The following CTNNA3 variants were observed in gnomAD, a reference collection of about 807,000 sequenced individuals.
CTNNA3 encodes catenin alpha-3.
CTNNA3 carries 76 observed loss-of-function variants against 95.7 expected under a neutral mutation model. That is an observed-to-expected ratio of 0.79 (90% CI 0.66 to 0.96). The LOEUF (loss-of-function observed/expected upper bound fraction) is 0.96, where lower values mean the gene tolerates loss of function less well. Among genes scored for constraint, CTNNA3 ranks in the 40% least tolerant of loss-of-function variants. CTNNA3 has a pLI of 0.00. For missense variants in CTNNA3, 1,191 were observed against 1,089.8 expected (o/e 1.09, Z -1.31); for synonymous variants, 431 against 374.4 (o/e 1.15, Z -1.74).
chr10:66,097,793 G>A (rs1021318721), intron 14 of CTNNA3, among the ~76,000 whole-genome samples: 2 of 152,032 alleles, frequency 1.3e-5, no homozygotes, highest in Admixed American at 6.6e-5. Flanking sequence ...TCTCTACTAC[G>A]ACTGCTGCCC....
intron 9 of CTNNA3, among the ~76,000 whole-genome samples, chr10:66,685,070 G>A (rs1037885531): frequency 6.7e-6 from 1 of 149,444 alleles, no homozygotes; most frequent in Non-Finnish European, 1.5e-5. Flanking sequence ...AAAATGGAAG[G>A]TTTCTAAAAG....
chr10:67,345,681 C>T (rs754035892), intron 5 of CTNNA3, among the ~76,000 whole-genome samples: 49 of 152,154 alleles, frequency 3.2e-4, no homozygotes, highest in Non-Finnish European at 6.0e-4. Flanking sequence ...CATGGAATAT[C>T]TTTTCCCATC....
rs781498207 is a variant in CTNNA3 at position 66,385,461 on chromosome 10, C to T, written c.1532-6109G>A. Among the ~76,000 whole-genome samples, 8 of 152,036 alleles carry T rather than the reference C, an allele frequency of 5.3e-5. No homozygotes were observed. In the South Asian group the frequency reaches 1.2e-3, roughly 24 times the overall value. On this transcript the variant is annotated intron_variant, in intron 11 of 17. Transcript: ENST00000433211. ...GAGGCAAAAATTAATAGGCTACTAA[C>T]CAAAAAAAGTCCAGGACCAGAAGGA...
chr10:67,709,957 A>G (rs894264386), intron 1 of CTNNA3, among the ~76,000 whole-genome samples: 2 of 152,176 alleles, frequency 1.3e-5, no homozygotes, highest in Admixed American at 6.6e-5. Context: ...TCTTTTTAAC[A>G]GGCCCCAGCA....
At chr10:67,723,875 C>G (rs1841193629) in intron 1 of CTNNA3, among the ~76,000 whole-genome samples, 1 of 152,098 alleles carries the variant, frequency 6.6e-6, no homozygotes, top group Non-Finnish European at 1.5e-5. Flanking sequence ...AGAAATGACA[C>G]AGGGAGCCTA....
At chr10:66,070,511 T>G (rs768454126) in intron 14 of CTNNA3, among the ~76,000 whole-genome samples, 4 of 152,190 alleles carry the variant, frequency 2.6e-5, no homozygotes, top group Non-Finnish European at 5.9e-5. Flanking sequence ...CTCTTTACAT[T>G]CTGTATCTCA....
intron 12 of CTNNA3, among the ~76,000 whole-genome samples, chr10:66,301,863 T>C (rs1293466408): frequency 6.6e-6 from 1 of 151,868 alleles, no homozygotes; most frequent in Non-Finnish European, 1.5e-5. Context: ...TAAAAGGAAA[T>C]AAAAACCATT....
intron 9 of CTNNA3, among the ~76,000 whole-genome samples, chr10:66,644,904 CA>C (rs1456097308): frequency 2.3e-4 from 35 of 152,140 alleles, no homozygotes; most frequent in African/African-American, 8.4e-4. Context: ...CTCCCTCCTT[CA>C]AAATCCCACA....
chr10:67,604,306 C>T (rs1256184591), intron 3 of CTNNA3, among the ~76,000 whole-genome samples: 1 of 152,100 alleles, frequency 6.6e-6, no homozygotes, highest in African/African-American at 2.4e-5. Context: ...TTTGGAGGAA[C>T]ATATGAGGGA....
intron 13 of CTNNA3, among the ~76,000 whole-genome samples, chr10:66,121,708 G>A (rs911611141): frequency 1.3e-5 from 2 of 152,056 alleles, no homozygotes; most frequent in Non-Finnish European, 2.9e-5. Context: ...AGGCATGGTG[G>A]CACATGCCTG....
chr10:67,362,929 G>A lies in CTNNA3; in HGVS notation c.580-143059C>T, dbSNP rs186280895. ...CAAAGTTTCAGAATACAAAATCAACGTATTAAAATCAATAACATTTCTATA... is the reference window on the plus strand; with the variant it reads ...CAAAGTTTCAGAATACAAAATCAACATATTAAAATCAATAACATTTCTATA... On this transcript the variant is annotated intron_variant, in intron 5 of 17. Transcript: ENST00000433211. Among the ~76,000 whole-genome samples, 509 of 152,020 alleles carry A rather than the reference G, an allele frequency of 3.3e-3. 3 individuals carry two copies. Among genetic ancestry groups the A allele is most frequent in the African/African-American group, 0.012 (492 of 41,474 alleles).
intron 7 of CTNNA3, among the ~76,000 whole-genome samples, chr10:66,832,163 G>A (rs986708624): frequency 6.6e-6 from 1 of 152,154 alleles, no homozygotes; most frequent in Non-Finnish European, 1.5e-5. Flanking sequence ...TATAAGTTGG[G>A]AAGAAACTAC....
chr10:66,085,296 A>T (rs2133665028), intron 14 of CTNNA3, among the ~76,000 whole-genome samples: 1 of 152,254 alleles, frequency 6.6e-6, no homozygotes, highest in Non-Finnish European at 1.5e-5. Flanking sequence ...AAGATGGATA[A>T]AGTGATAGGA....
chr10:66,480,122 A>G (rs1839469080), intron 11 of CTNNA3, among the ~76,000 whole-genome samples: 1 of 152,194 alleles, frequency 6.6e-6, no homozygotes, highest in Admixed American at 6.5e-5. Flanking sequence ...ATCTGTTTCA[A>G]GACAGTTTTC....
intron 7 of CTNNA3, among the ~76,000 whole-genome samples, chr10:67,142,649 A>G (rs1860628810): frequency 6.6e-6 from 1 of 152,162 alleles, no homozygotes; most frequent in Non-Finnish European, 1.5e-5. Flanking sequence ...AAATATTGCT[A>G]AAGGCTGGGC....
chr10:66,040,875 A>G (rs1248862660), intron 15 of CTNNA3, among the ~76,000 whole-genome samples: 1 of 152,188 alleles, frequency 6.6e-6, no homozygotes, highest in Non-Finnish European at 1.5e-5. Flanking sequence ...CCTGAACTTA[A>G]AAGTTTAAAA....
intron 7 of CTNNA3, among the ~76,000 whole-genome samples, chr10:66,858,337 C>T (rs1843764185): frequency 6.6e-6 from 1 of 152,014 alleles, no homozygotes; most frequent in South Asian, 2.1e-4. Flanking sequence ...CATCTATGTT[C>T]ATCAAGGATA....
chr10:66,065,220 G>T, intron 15 of CTNNA3, among the ~76,000 whole-genome samples: 1 of 132,272 alleles, frequency 7.6e-6, no homozygotes, highest in South Asian at 2.7e-4. Context: ...AACTTATGTT[G>T]GTTTAAATGG....
At chr10:66,988,719 T>C (rs1042205139) in intron 7 of CTNNA3, among the ~76,000 whole-genome samples, 2 of 152,156 alleles carry the variant, frequency 1.3e-5, no homozygotes, top group African/African-American at 2.4e-5. Flanking sequence ...CTCTGAATAC[T>C]AGGAACTAAA....
Sources: allele counts gnomAD v4.1 joint callset (sites outside exome capture counted in the v4.1 genomes callset), GRCh38; gene constraint gnomAD v4.1.1; transcripts MANE v1.5; gene names NCBI Gene and HGNC (gene_info 2026-07-23, HGNC 2026-07-21).